The following ASB7 variants were observed in gnomAD, a reference collection of about 807,000 sequenced individuals.
The protein encoded by ASB7 is ankyrin repeat and SOCS box protein 7.
ASB7 carries 4 observed loss-of-function variants against 32.5 expected under a neutral mutation model. The ratio of observed to expected loss-of-function variants is 0.12; its 90% CI spans 0.06 to 0.28. ASB7 has a LOEUF of 0.28. Ranked by LOEUF, ASB7 falls within the 10% of genes least tolerant of loss-of-function variation. The pLI is 1.00. For synonymous variants in ASB7, 172 were observed against 155.6 expected (o/e 1.11, Z -0.78); for missense variants, 181 against 407.1 (o/e 0.44, Z 4.78).
intron 3 of ASB7, among the ~76,000 whole-genome samples, chr15:100,610,436 A>T (rs1772475164): frequency 6.6e-6 from 1 of 151,760 alleles, no homozygotes; most frequent in Non-Finnish European, 1.5e-5. Context: ...TGGAGGTTGC[A>T]GTGAGCTCAG....
intron 5 of ASB7, among the ~76,000 whole-genome samples, chr15:100,642,800 GC>G (rs547047410): frequency 7.0e-4 from 107 of 152,374 alleles, no homozygotes; most frequent in African/African-American, 2.5e-3. Context: ...ACCTTGGGAG[GC>G]CGAGGCAGGC....
intron 5 of ASB7, among the ~76,000 whole-genome samples, chr15:100,644,502 C>G (rs191851492): frequency 6.6e-6 from 1 of 152,314 alleles, no homozygotes; most frequent in Admixed American, 6.5e-5. Context: ...AGCACGTTGA[C>G]TGTTTTATAC....
chr15:100,611,587 C>G (rs1389075552), intron 3 of ASB7, among the ~76,000 whole-genome samples: 2 of 148,400 alleles, frequency 1.3e-5, no homozygotes, highest in African/African-American at 4.9e-5. Flanking sequence ...TCAAGCAATT[C>G]TTGTGCCTCA....
At chr15:100,608,350 C>G (rs2039665666) in intron 2 of ASB7, among the ~76,000 whole-genome samples, 1 of 152,208 alleles carries the variant, frequency 6.6e-6, no homozygotes, top group African/African-American at 2.4e-5. Flanking sequence ...GAGAGACTAC[C>G]TATACAAATT....
At chr15:100,646,081 T>A in intron 5 of ASB7, 1 of 399,412 alleles carries the variant, frequency 2.5e-6, no homozygotes. Flanking sequence ...TCCTGAGCTA[T>A]CAATAGCTGT....
chr15:100,645,458 T>C (rs1220152567), intron 5 of ASB7: 1 of 471,728 alleles, frequency 2.1e-6, no homozygotes, highest in African/African-American at 2.0e-5. Context: ...ATACAGTTTA[T>C]TATCTGCTCC....
At chr15:100,640,135 AT>A (rs1031463159) in intron 5 of ASB7, among the ~76,000 whole-genome samples, 1 of 151,880 alleles carries the variant, frequency 6.6e-6, no homozygotes, top group African/African-American at 2.4e-5. Flanking sequence ...TTATGGTAGG[AT>A]TTTTTTCTTT....
Position 100,632,003 on chromosome 15 carries a change from C to T in ASB7, c.817+1961C>T, listed in dbSNP as rs74039461. ...GTCTGTACATGGAGGCACGCAGCCA[C>T]GTGGCCGAGAGGAGCCGCTGGGCAG... On this transcript the variant is annotated intron_variant, in intron 5 of 5. Transcript: ENST00000332783. 5.4e-3 allele frequency among the ~76,000 whole-genome samples: 819 copies of T among 152,328 alleles called. 8 individuals are homozygous for T. Among genetic ancestry groups the T allele is most frequent in the African/African-American group, 0.019 (777 of 41,568 alleles).
intron 5 of ASB7, among the ~76,000 whole-genome samples, chr15:100,641,664 T>C (rs1358442649): frequency 6.6e-6 from 1 of 152,230 alleles, no homozygotes; most frequent in East Asian, 1.9e-4. Flanking sequence ...CAGTTGCTTC[T>C]TTACTGTTAA....
intron 4 of ASB7, among the ~76,000 whole-genome samples, chr15:100,618,716 C>T (rs2039766461): frequency 6.6e-6 from 1 of 151,996 alleles, no homozygotes; most frequent in South Asian, 2.1e-4. Context: ...CCTTTATAAA[C>T]TATGTATTCA....
chr15:100,616,853 G>C (rs1002298660), intron 4 of ASB7, among the ~76,000 whole-genome samples: 3 of 152,182 alleles, frequency 2.0e-5, no homozygotes, highest in Non-Finnish European at 4.4e-5. Flanking sequence ...ATTTAGTGTA[G>C]TCCTGGCTTA....
intron 4 of ASB7, among the ~76,000 whole-genome samples, chr15:100,620,867 G>A (rs373901540): frequency 1.3e-5 from 2 of 152,096 alleles, no homozygotes; most frequent in Non-Finnish European, 2.9e-5. Context: ...ATTGGCCCAC[G>A]GGCAGTTGGC....
chr15:100,638,997 A>G (rs1197400145), intron 5 of ASB7, among the ~76,000 whole-genome samples: 1 of 152,088 alleles, frequency 6.6e-6, no homozygotes, highest in African/African-American at 2.4e-5. Flanking sequence ...AGAATACGCT[A>G]GTTTGGTATT....
intron 4 of ASB7, among the ~76,000 whole-genome samples, chr15:100,621,664 G>A (rs1227275697): frequency 6.6e-6 from 1 of 152,054 alleles, no homozygotes; most frequent in Non-Finnish European, 1.5e-5. Flanking sequence ...AAAGAAAGGA[G>A]CTATATTGAA....
chr15:100,648,473 C>G lies in ASB7; in HGVS notation c.*11C>G, dbSNP rs749748915. 6.3e-7 allele frequency: 1 copy of G among 1,595,350 alleles called. No individual in the cohort carries two copies. Among genetic ancestry groups the G allele is most frequent in the South Asian group, 1.1e-5 (1 of 89,172 alleles). ...TTTGATGATATCTGATATGCCAGAA[C>G]TGTGAGCAAGATTAGGAGTTCTATT... On this transcript the variant is annotated 3_prime_UTR_variant, in exon 6 of 6. Coordinates refer to ENST00000332783, the MANE Select transcript of ASB7 (RefSeq NM_198243.3).
At chr15:100,647,039 T>C (rs1306731923) in intron 5 of ASB7, among the ~76,000 whole-genome samples, 2 of 152,214 alleles carry the variant, frequency 1.3e-5, no homozygotes, top group Non-Finnish European at 2.9e-5. Flanking sequence ...AATTTTTTTT[T>C]GGTTTTGGAA....
Position 100,612,208 on chromosome 15 carries a change from T to G in ASB7, c.-9T>G. On this transcript the variant is annotated 5_prime_UTR_variant, in exon 4 of 6. Transcript: ENST00000332783. ...AATGAATCCTTTGTAAAAAGTGGAC[T>G]CAGCTAGGATGTTACACCATCATTG... 6.2e-7 allele frequency: 1 copy of G among 1,608,662 alleles called. No individual in the cohort carries two copies. Among genetic ancestry groups the G allele is most frequent in the Non-Finnish European group, 8.5e-7 (1 of 1,175,408 alleles).
chr15:100,603,803 A>T (rs1429214468), intron 2 of ASB7, among the ~76,000 whole-genome samples: 1 of 152,232 alleles, frequency 6.6e-6, no homozygotes, highest in East Asian at 1.9e-4. Flanking sequence ...TTTGGTAGAG[A>T]AAGGTAAATT....
At chr15:100,607,711 G>C (rs1034152474) in intron 2 of ASB7, among the ~76,000 whole-genome samples, 2 of 152,192 alleles carry the variant, frequency 1.3e-5, no homozygotes, top group Non-Finnish European at 2.9e-5. Context: ...ACCACCTGGA[G>C]GTGCTACCTG....
Sources: gnomAD v4.1 joint callset for allele counts (sites outside exome capture counted in the v4.1 genomes callset) on GRCh38, gnomAD v4.1.1 for gene constraint, MANE v1.5 for transcripts, NCBI Gene and HGNC (gene_info 2026-07-23, HGNC 2026-07-21) for gene names.